EYA4: variants seen among roughly 807,000 people sequenced by gnomAD.
EYA4 encodes the protein EYA transcriptional coactivator and phosphatase 4.
EYA4 carries 31 observed loss-of-function variants against 87.9 expected under a neutral mutation model. The observed-to-expected ratio is 0.35, with a 90% CI of 0.27 to 0.48. EYA4 has a LOEUF of 0.48. Among genes scored for constraint, EYA4 ranks in the 20% least tolerant of loss-of-function variants. EYA4 has a pLI of 0.99. For synonymous variants in EYA4, 263 were observed against 270.6 expected (o/e 0.97, Z 0.28); for missense variants, 678 against 761.4 (o/e 0.89, Z 1.29).
intron 2 of EYA4, among the ~76,000 whole-genome samples, chr6:133,309,862 T>G (rs898023751): frequency 3.3e-5 from 5 of 152,168 alleles, no homozygotes; most frequent in East Asian, 3.8e-4. Flanking sequence ...TATGAAACAG[T>G]ATTCTGTCCT....
intron 19 of EYA4, 146 bp downstream of exon 19, chr6:133,525,400 C>T: frequency 1.3e-6 from 1 of 742,726 alleles, no homozygotes; most frequent in South Asian, 1.5e-5. Flanking sequence ...TCAATACTTA[C>T]ATTCAAATAA....
At chr6:133,523,281 G>C in intron 18 of EYA4, 104 bp downstream of exon 18, 2 of 1,239,302 alleles carry the variant, frequency 1.6e-6, no homozygotes, top group Non-Finnish European at 1.2e-6. Context: ...AACAAATTTG[G>C]ATAAAGTTCA....
chr6:133,529,667 G>A lies in EYA4; in HGVS notation c.*862G>A. ...ACAACAATAATAAAGGAAAGCTTGT[G>A]TTTCATTTGGGTTCTTAATAATTCC... On this transcript the variant is annotated 3_prime_UTR_variant, in exon 20 of 20. Transcript: ENST00000355286. The A allele has an allele frequency of 5.1e-6, 5 of 984,086 alleles. No homozygotes were observed. The highest frequency in any genetic ancestry group is 6.0e-6 in the Non-Finnish European group (5 of 828,698). The allele number at this position is 984,086 out of a possible 1,614,324, so 61.0% of individuals were successfully genotyped here.
intron 2 of EYA4, among the ~76,000 whole-genome samples, chr6:133,330,787 G>C (rs1226346656): frequency 6.6e-6 from 1 of 151,780 alleles, no homozygotes; most frequent in African/African-American, 2.4e-5. Flanking sequence ...TGGTTTGGTG[G>C]TTTTAATATT....
intron 2 of EYA4, among the ~76,000 whole-genome samples, chr6:133,366,169 A>G (rs961254367): frequency 2.0e-5 from 3 of 152,196 alleles, no homozygotes; most frequent in African/African-American, 4.8e-5. Flanking sequence ...CATCAATTCA[A>G]TTGATGATGA....
At position 133,530,930 on chromosome 6, in the gene EYA4, A is replaced by G. The variant is rs1938693552; in HGVS notation, c.*2125A>G. 1.7e-6 allele frequency: 2 copies of G among 1,152,298 alleles called. No individual in the cohort carries two copies. The highest frequency in any genetic ancestry group is 1.6e-5 in the African/African-American group (1 of 62,480). 71.4% of individuals were successfully genotyped at this position (1,152,298 alleles called of 1,614,324 possible). A position where few individuals can be genotyped will look rare whatever the true frequency, so the allele number is the denominator to read the frequency against. On this transcript the variant is annotated 3_prime_UTR_variant, in exon 20 of 20. Coordinates refer to ENST00000355286, the MANE Select transcript of EYA4 (RefSeq NM_004100.5). Reference sequence around the variant, plus strand: ...AAATTTAAATGTTGCCTTGATTATCAGTACTTAATTATGTTGTGCACTAAA... The same window carrying G: ...AAATTTAAATGTTGCCTTGATTATCGGTACTTAATTATGTTGTGCACTAAA...
At chr6:133,324,827 C>A (rs893707829) in intron 2 of EYA4, among the ~76,000 whole-genome samples, 7 of 150,810 alleles carry the variant, frequency 4.6e-5, no homozygotes, top group Non-Finnish European at 1.0e-4. Flanking sequence ...TTCAAAAAAT[C>A]AGATTAATAA....
intron 3 of EYA4, among the ~76,000 whole-genome samples, chr6:133,439,052 A>AG (rs1792004293): frequency 2.3e-5 from 1 of 44,268 alleles, no homozygotes; most frequent in African/African-American, 6.4e-5. Context: ...TCCGTCTCAA[A>AG]AAAAAAAAAA....
chr6:133,260,797 G>C (rs1045444013), intron 1 of EYA4, among the ~76,000 whole-genome samples: 4 of 152,084 alleles, frequency 2.6e-5, no homozygotes, highest in Non-Finnish European at 5.9e-5. Flanking sequence ...CATAGGACAG[G>C]CTTCTTTGCT....
At chr6:133,346,715 C>T (rs565317085) in intron 2 of EYA4, among the ~76,000 whole-genome samples, 7 of 151,626 alleles carry the variant, frequency 4.6e-5, no homozygotes, top group East Asian at 1.9e-4. Flanking sequence ...TTCCTGTTCT[C>T]GGGCAATAAT....
chr6:133,401,496 G>T (rs867936625), intron 3 of EYA4, among the ~76,000 whole-genome samples: 1 of 152,022 alleles, frequency 6.6e-6, no homozygotes, highest in Non-Finnish European at 1.5e-5. Context: ...ATTATCACAC[G>T]TACCCTCAAA....
At chr6:133,527,186 T>C (rs1800708914) in intron 19 of EYA4, among the ~76,000 whole-genome samples, 1 of 152,230 alleles carries the variant, frequency 6.6e-6, no homozygotes, top group Admixed American at 6.5e-5. Context: ...TTGGTTTCTC[T>C]AGTACCCAGA....
chr6:133,498,416 T>C (rs547071522), intron 13 of EYA4, among the ~76,000 whole-genome samples: 3 of 152,322 alleles, frequency 2.0e-5, no homozygotes, highest in Non-Finnish European at 4.4e-5. Context: ...AATGAGTTAA[T>C]GCATTAAAAC....
At chr6:133,462,054 C>A (rs1794437461) in intron 7 of EYA4, 5 of 435,482 alleles carry the variant, frequency 1.1e-5, no homozygotes, top group Non-Finnish European at 2.1e-5. Flanking sequence ...GAATTGTAGA[C>A]CTGGAAGAGA....
chr6:133,308,423 T>C (rs1473210395), intron 2 of EYA4, among the ~76,000 whole-genome samples: 6 of 152,222 alleles, frequency 3.9e-5, no homozygotes, highest in Non-Finnish European at 5.9e-5. Flanking sequence ...TTGGGGTACA[T>C]GTGTAAGTTT....
intron 3 of EYA4, among the ~76,000 whole-genome samples, chr6:133,389,460 A>T (rs546776875): frequency 9.2e-5 from 14 of 152,338 alleles, no homozygotes; most frequent in Middle Eastern, 6.8e-3. Context: ...TTTGTTCACC[A>T]TTGCCTCATT....
At chr6:133,493,269 T>C (rs1282543105) in intron 13 of EYA4, among the ~76,000 whole-genome samples, 1 of 152,038 alleles carries the variant, frequency 6.6e-6, no homozygotes, top group African/African-American at 2.4e-5. Context: ...ATGAAAAGAA[T>C]AGAGTACCTA....
intron 2 of EYA4, among the ~76,000 whole-genome samples, chr6:133,323,141 T>A (rs1781227166): frequency 6.6e-6 from 1 of 151,920 alleles, no homozygotes. Flanking sequence ...AATAACAGGC[T>A]TTAAATTTTT....
intron 5 of EYA4, among the ~76,000 whole-genome samples, chr6:133,454,907 G>A (rs1793772025): frequency 6.6e-6 from 1 of 151,996 alleles, no homozygotes; most frequent in Admixed American, 6.6e-5. Context: ...AGCCTGATAC[G>A]GTGGAAAGAT....
Sources: gnomAD v4.1 joint callset for allele counts (sites outside exome capture counted in the v4.1 genomes callset) on GRCh38, gnomAD v4.1.1 for gene constraint, MANE v1.5 for transcripts, NCBI Gene and HGNC (gene_info 2026-07-23, HGNC 2026-07-21) for gene names.